The following CCSER2 variants were observed in gnomAD, a reference collection of about 807,000 sequenced individuals.
CCSER2 encodes serine-rich coiled-coil domain-containing protein 2.
Under a neutral mutation model 92.3 loss-of-function variants are expected in CCSER2, and 46 were observed. The observed-to-expected ratio is 0.50, with a 90% CI of 0.39 to 0.64. The LOEUF is 0.64. Among genes scored for constraint, CCSER2 ranks in the 30% least tolerant of loss-of-function variants. The pLI is 0.00. For synonymous variants in CCSER2, 433 were observed against 431.4 expected (o/e 1.00, Z -0.04); for missense variants, 1,244 against 1,238.9 (o/e 1.00, Z -0.06).
intron 1 of CCSER2, among the ~76,000 whole-genome samples, chr10:84,350,903 C>G (rs1284353406): frequency 6.6e-6 from 1 of 152,208 alleles, no homozygotes; most frequent in Non-Finnish European, 1.5e-5. Flanking sequence ...ACCCTTACCT[C>G]CTTTGTATCC....
intron 3 of CCSER2, among the ~76,000 whole-genome samples, chr10:84,416,923 CGT>C (rs1842916952): frequency 6.6e-6 from 1 of 151,458 alleles, no homozygotes; most frequent in Non-Finnish European, 1.5e-5. Context: ...AGCGAGACTC[CGT>C]CTCAAAAAAA....
At chr10:84,416,888 G>A (rs559748165) in intron 3 of CCSER2, among the ~76,000 whole-genome samples, 1 of 152,068 alleles carries the variant, frequency 6.6e-6, no homozygotes, top group Non-Finnish European at 1.5e-5. Context: ...CCGAGATCGC[G>A]CCATTGCACT....
intron 3 of CCSER2, among the ~76,000 whole-genome samples, chr10:84,416,067 A>G (rs1454349331): frequency 6.6e-6 from 1 of 152,152 alleles, no homozygotes; most frequent in Admixed American, 6.5e-5. Flanking sequence ...AGCTCTGTGT[A>G]TTGGTGACAT....
intron 3 of CCSER2, among the ~76,000 whole-genome samples, chr10:84,409,303 T>TA (rs112262365): frequency 0.15 from 22,831 of 150,758 alleles, 1,817 homozygotes; most frequent in Admixed American, 0.24. Context: ...TTTATTTATT[T>TA]AAAAAAATTT....
intron 3 of CCSER2, among the ~76,000 whole-genome samples, chr10:84,404,754 A>G (rs1167693096): frequency 1.3e-5 from 2 of 152,240 alleles, no homozygotes; most frequent in Non-Finnish European, 2.9e-5. Context: ...GTTTCTCTGT[A>G]TCATCAATGA....
chr10:84,446,698 A>G (rs1201357846), intron 6 of CCSER2, among the ~76,000 whole-genome samples: 2 of 152,214 alleles, frequency 1.3e-5, no homozygotes, highest in Non-Finnish European at 2.9e-5. Flanking sequence ...AGATTAAGAA[A>G]TAAGACATTA....
chr10:84,504,423 G>A, intron 9 of CCSER2, among the ~76,000 whole-genome samples: 2 of 151,956 alleles, frequency 1.3e-5, no homozygotes, highest in East Asian at 3.9e-4. Flanking sequence ...CCCTTTGTAA[G>A]AGCCAGCTTT....
chr10:84,453,326 C>G (rs1445465856), intron 6 of CCSER2, among the ~76,000 whole-genome samples: 1 of 152,102 alleles, frequency 6.6e-6, no homozygotes. Flanking sequence ...GAAAACTTTT[C>G]TTTAGAAGAT....
intron 3 of CCSER2, chr10:84,391,745 C>G: frequency 6.6e-7 from 1 of 1,506,032 alleles, no homozygotes; most frequent in Non-Finnish European, 9.2e-7. Flanking sequence ...CCCCATGCTA[C>G]AGCAGTATGA....
Position 84,457,737 on chromosome 10 carries a change from G to GTT in CCSER2, c.2065-6194_2065-6193dup, listed in dbSNP as rs1554854626. On this transcript the variant is annotated intron_variant, in intron 6 of 9. Transcript: ENST00000372088. ...TATATAAATATATAAAATTTTGTTT[G>GTT]TTTGTTTTTGTTTTTGTTTTTGGAG... Among the ~76,000 whole-genome samples, 244 of 128,040 alleles carry GTT rather than the reference G, an allele frequency of 1.9e-3. 2 individuals are homozygous for GTT. The highest frequency in any genetic ancestry group is 5.9e-3 in the African/African-American group (198 of 33,798). The allele number at this position is 128,040 out of a possible 152,430, so 84.0% of individuals were successfully genotyped here.
At chr10:84,397,274 C>A (rs1841895870) in intron 3 of CCSER2, among the ~76,000 whole-genome samples, 1 of 152,108 alleles carries the variant, frequency 6.6e-6, no homozygotes, top group Non-Finnish European at 1.5e-5. Flanking sequence ...ACCACCTCCC[C>A]CAAAGTATAA....
At chr10:84,386,302 AATAAAT>A (rs1188828624) in intron 3 of CCSER2, among the ~76,000 whole-genome samples, 2 of 152,266 alleles carry the variant, frequency 1.3e-5, no homozygotes, top group African/African-American at 2.4e-5. Flanking sequence ...TGTTTATCAC[AATAAAT>A]ATAAATTATC....
intron 3 of CCSER2, chr10:84,391,344 G>T: frequency 7.0e-7 from 1 of 1,425,298 alleles, no homozygotes. Flanking sequence ...GGACTTGGAG[G>T]CAACATTGAA....
intron 3 of CCSER2, among the ~76,000 whole-genome samples, chr10:84,415,106 C>T (rs1040552538): frequency 8.5e-5 from 13 of 152,128 alleles, no homozygotes; most frequent in African/African-American, 2.2e-4. Flanking sequence ...TTTAGCTCAG[C>T]GAAGTTTGTT....
chr10:84,483,953 T>TTATATATATATATATATATATATA (rs57427963), intron 9 of CCSER2, among the ~76,000 whole-genome samples: 3 of 48,038 alleles, frequency 6.2e-5, no homozygotes, highest in Non-Finnish European at 9.6e-5. Context: ...CCCGGCTAAT[T>TTATATATATATATATATATATATA]TATATATATA....
At chr10:84,457,939 T>C (rs1845874574) in intron 6 of CCSER2, among the ~76,000 whole-genome samples, 1 of 151,194 alleles carries the variant, frequency 6.6e-6, no homozygotes, top group African/African-American at 2.4e-5. Flanking sequence ...AGAGATGGGG[T>C]TTTACCATGT....
At chr10:84,386,118 A>G (rs760307269) in intron 3 of CCSER2, among the ~76,000 whole-genome samples, 4 of 152,218 alleles carry the variant, frequency 2.6e-5, no homozygotes, top group Admixed American at 6.5e-5. Context: ...GGGAATACTT[A>G]TAACACTGTT....
intron 4 of CCSER2, among the ~76,000 whole-genome samples, chr10:84,424,067 A>G (rs1197034876): frequency 6.6e-6 from 1 of 151,566 alleles, no homozygotes; most frequent in Non-Finnish European, 1.5e-5. Flanking sequence ...TGGAAGGATC[A>G]CTTGAGCTAA....
At chr10:84,465,744 A>AT (rs1004031797) in intron 7 of CCSER2, among the ~76,000 whole-genome samples, 6 of 151,322 alleles carry the variant, frequency 4.0e-5, no homozygotes, top group East Asian at 2.0e-4. Context: ...TATGATAGAC[A>AT]TTTTTTGCTT....
Sources: gnomAD v4.1 joint callset for allele counts (sites outside exome capture counted in the v4.1 genomes callset) on GRCh38, gnomAD v4.1.1 for gene constraint, MANE v1.5 for transcripts, NCBI Gene and HGNC (gene_info 2026-07-23, HGNC 2026-07-21) for gene names.